MICAL3: variants seen among roughly 807,000 people sequenced by gnomAD.
MICAL3 encodes microtubule associated monooxygenase, calponin and LIM domain containing 3.
Under a neutral mutation model 207.4 loss-of-function variants are expected in MICAL3, and 62 were observed. The observed-to-expected ratio is 0.30, with a 90% CI of 0.24 to 0.37. The LOEUF is 0.37. MICAL3 is among the 10% of genes least tolerant of loss of function. The pLI is 1.00. For synonymous variants in MICAL3, 1,077 were observed against 1,069.3 expected (o/e 1.01, Z -0.14); for missense variants, 2,368 against 2,635.6 (o/e 0.90, Z 2.22).
At chr22:18,013,657 G>A (rs1602401283) in intron 1 of MICAL3, among the ~76,000 whole-genome samples, 2 of 152,194 alleles carry the variant, frequency 1.3e-5, no homozygotes, top group Non-Finnish European at 2.9e-5. Context: ...ATGGCCTAGG[G>A]TATGTGCTTA....
At chr22:17,976,347 A>G (rs1377304649) in intron 1 of MICAL3, among the ~76,000 whole-genome samples, 19 of 151,984 alleles carry the variant, frequency 1.3e-4, no homozygotes, top group Non-Finnish European at 2.9e-5. Context: ...TTACACTGGG[A>G]AACAGCACTG....
chr22:17,794,217 T>C (rs2061852849), intron 29 of MICAL3, among the ~76,000 whole-genome samples: 1 of 152,202 alleles, frequency 6.6e-6, no homozygotes, highest in African/African-American at 2.4e-5. Context: ...ATCTGGGTTG[T>C]CATACCGGGG....
chr22:17,985,061 G>T (rs1205022029), intron 1 of MICAL3, among the ~76,000 whole-genome samples: 1 of 152,218 alleles, frequency 6.6e-6, no homozygotes, highest in African/African-American at 2.4e-5. Flanking sequence ...TTTAAACTGG[G>T]AGGCATGAGG....
intron 1 of MICAL3, among the ~76,000 whole-genome samples, chr22:17,977,027 C>T (rs530597372): frequency 8.9e-4 from 136 of 152,100 alleles, no homozygotes; most frequent in African/African-American, 3.2e-3. Context: ...AGGATGATCT[C>T]GATCTGACCT....
intron 16 of MICAL3, chr22:17,876,856 TGGAGGTTAGGGAGGTTAG>T (rs1569109285): frequency 0.01 from 266 of 25,572 alleles, 2 homozygotes; most frequent in Admixed American, 0.037. Context: ...AGGGAGGTTA[TGGAGGTTAGGGAGGTTAG>T]GGAGGTTAGG....
chr22:18,017,026 G>A (rs1924101067), intron 1 of MICAL3, among the ~76,000 whole-genome samples: 1 of 152,102 alleles, frequency 6.6e-6, no homozygotes. Context: ...GCAGTATGTA[G>A]TGGGGGGAAC....
chr22:17,864,349 G>A, intron 19 of MICAL3: 1 of 1,244,776 alleles, frequency 8.0e-7, no homozygotes, highest in Admixed American at 3.6e-5. Context: ...GCAGACAGGA[G>A]AGCAGCCACA....
At chr22:18,010,945 T>C (rs1235884329) in intron 1 of MICAL3, among the ~76,000 whole-genome samples, 3 of 152,110 alleles carry the variant, frequency 2.0e-5, no homozygotes, top group Non-Finnish European at 4.4e-5. Context: ...AGCCCTTCCC[T>C]GGCAACAAAA....
intron 1 of MICAL3, among the ~76,000 whole-genome samples, chr22:17,927,707 G>A (rs185906740): frequency 6.6e-6 from 1 of 152,090 alleles, no homozygotes; most frequent in African/African-American, 2.4e-5. Flanking sequence ...CTGAACCTCT[G>A]CTTGTCCTCT....
rs7288764 is a variant in MICAL3, at chr22:17,891,105, T to C, written c.1694+380A>G. On this transcript the variant is annotated intron_variant, in intron 12 of 31. Coordinates refer to ENST00000441493, the MANE Select transcript of MICAL3 (RefSeq NM_015241.3). ...CTAGCCAGGTTTCCCTTGTGACCCA[T>C]AGAATTTGAGAGACAGCTGGCCGAA... 3.5e-3 allele frequency among the ~76,000 whole-genome samples: 528 copies of C among 152,292 alleles called. 4 individuals carry two copies. The highest frequency in any genetic ancestry group is 0.012 in the African/African-American group (495 of 41,558).
rs116546165 is a variant in MICAL3 at position 17,881,859 on chromosome 22, T to C, written c.2241+4019A>G. Reference sequence around the variant, plus strand: ...AAAATTAAATGTGTCTCACTAACATTTGAATGCCATATACATGTCCCTGGC... The same window carrying C: ...AAAATTAAATGTGTCTCACTAACATCTGAATGCCATATACATGTCCCTGGC... On this transcript the variant is annotated intron_variant, in intron 16 of 31. Coordinates refer to ENST00000441493, the MANE Select transcript of MICAL3 (RefSeq NM_015241.3). 2.9e-3 allele frequency among the ~76,000 whole-genome samples: 442 copies of C among 152,328 alleles called. 3 individuals carry two copies. The highest frequency in any genetic ancestry group is 0.01 in the African/African-American group (417 of 41,566).
intron 1 of MICAL3, among the ~76,000 whole-genome samples, chr22:17,921,295 T>TTCA (rs2146297706): frequency 6.6e-6 from 1 of 152,294 alleles, no homozygotes; most frequent in Non-Finnish European, 1.5e-5. Context: ...AACTGTGTAT[T>TTCA]TCACAATATC....
chr22:17,796,977 C>G lies in MICAL3; in HGVS notation c.5651-5676G>C, dbSNP rs907719725. Among the ~76,000 whole-genome samples the G allele has an allele frequency of 2.6e-5, 4 of 152,114 alleles. No individual in the cohort carries two copies. The highest frequency in any genetic ancestry group is 7.2e-5 in the African/African-American group (3 of 41,408). The stretch of plus-strand genomic sequence containing the variant: ...TTCTCTGTACTTGTACTTCTATATT[C>G]CCACCTTCTCTCCAACCAAGACTCT... On this transcript the variant is annotated intron_variant, in intron 29 of 31. Transcript: ENST00000441493. The surrounding 1 kb of genome is among the most constrained non-coding windows in gnomAD (Gnocchi z 4.4).
At chr22:17,887,479 C>T (rs934926041) in intron 13 of MICAL3, 44 bp from the exon 14 acceptor site, 12 of 1,419,694 alleles carry the variant, frequency 8.5e-6, no homozygotes, top group African/African-American at 2.8e-5. Flanking sequence ...CCCTTGAGGG[C>T]GCCGCAAAAT....
At chr22:17,964,939 G>A (rs1324514068) in intron 1 of MICAL3, among the ~76,000 whole-genome samples, 4 of 152,180 alleles carry the variant, frequency 2.6e-5, no homozygotes, top group Admixed American at 2.0e-4. Context: ...GCGCGGTGGA[G>A]GTCTGGGAAA....
chr22:17,847,819 T>G (rs1924796597), intron 19 of MICAL3, among the ~76,000 whole-genome samples: 1 of 152,184 alleles, frequency 6.6e-6, no homozygotes, highest in Admixed American at 6.5e-5. Flanking sequence ...TCATTTTAGC[T>G]TGGTTATTTC....
intron 1 of MICAL3, among the ~76,000 whole-genome samples, chr22:17,982,680 C>CATAACATAAT (rs1341758314): frequency 3.8e-4 from 16 of 42,504 alleles, no homozygotes; most frequent in African/African-American, 1.6e-3. Flanking sequence ...CAAAAAAATT[C>CATAACATAAT]ATAACATAAC....
intron 1 of MICAL3, among the ~76,000 whole-genome samples, chr22:17,979,555 T>A (rs1446797778): frequency 9.9e-5 from 15 of 152,078 alleles, no homozygotes; most frequent in Admixed American, 9.8e-4. Context: ...AAAAACAGTA[T>A]GTAAACGTTG....
intron 1 of MICAL3, among the ~76,000 whole-genome samples, chr22:18,022,874 A>T (rs1204048135): frequency 6.6e-6 from 1 of 152,208 alleles, no homozygotes; most frequent in Non-Finnish European, 1.5e-5. Flanking sequence ...AGACTTGCAA[A>T]GGTATGCATC....
Sources: gnomAD v4.1 joint callset for allele counts (sites outside exome capture counted in the v4.1 genomes callset) on GRCh38, gnomAD v4.1.1 for gene constraint, Gnocchi (gnomAD v3.1) non-coding constraint, MANE v1.5 for transcripts, NCBI Gene and HGNC (gene_info 2026-07-23, HGNC 2026-07-21) for gene names.